SLC39A12: variants seen among roughly 807,000 people sequenced by gnomAD.
The protein encoded by SLC39A12 is solute carrier family 39 member 12.
In SLC39A12, 63 loss-of-function variants were observed where a neutral mutation model predicts 71.1. The ratio of observed to expected loss-of-function variants is 0.89; its 90% CI spans 0.72 to 1.09. The LOEUF is 1.09. Among genes scored for constraint, SLC39A12 ranks in the 50% least tolerant of loss-of-function variants. The pLI, the probability that SLC39A12 is intolerant of heterozygous loss-of-function variation, is 0.00. For missense variants in SLC39A12, 892 were observed against 812.6 expected, an observed-to-expected ratio of 1.10 and a Z score of -1.19; for synonymous variants, 351 against 301.3, an observed-to-expected ratio of 1.16 and a Z score of -1.71.
At chr10:17,991,331 T>C in intron 8 of SLC39A12, 28 bp downstream of exon 8, 1 of 1,530,242 alleles carries the variant, frequency 6.5e-7, no homozygotes, top group Non-Finnish European at 8.8e-7. Context: ...ATTTGTCTTG[T>C]GCTTTAAAGT....
intron 12 of SLC39A12, among the ~76,000 whole-genome samples, chr10:18,010,881 C>T (rs1195250917): frequency 6.6e-6 from 1 of 152,128 alleles, no homozygotes; most frequent in Non-Finnish European, 1.5e-5. Flanking sequence ...CCAACCGTTC[C>T]TCCTCCTCCT....
chr10:18,006,088 A>T (rs1440314890), intron 12 of SLC39A12, among the ~76,000 whole-genome samples: 3 of 152,230 alleles, frequency 2.0e-5, no homozygotes, highest in African/African-American at 7.2e-5. Context: ...ACTAAGGGGT[A>T]AAGGGGAACA....
At chr10:18,033,888 C>T (rs1198795851) in intron 12 of SLC39A12, among the ~76,000 whole-genome samples, 4 of 152,018 alleles carry the variant, frequency 2.6e-5, no homozygotes, top group African/African-American at 7.2e-5. Context: ...ATCTTTAATT[C>T]TGCCTTCATT....
intron 12 of SLC39A12, among the ~76,000 whole-genome samples, chr10:18,030,902 GT>G (rs1296653469): frequency 6.7e-6 from 1 of 148,918 alleles, no homozygotes; most frequent in African/African-American, 2.5e-5. Context: ...GCGGTGTTTG[GT>G]TTTTTGTTCT....
chr10:18,026,619 T>A (rs1411990686), intron 12 of SLC39A12, among the ~76,000 whole-genome samples: 1 of 152,168 alleles, frequency 6.6e-6, no homozygotes, highest in Non-Finnish European at 1.5e-5. Flanking sequence ...ATATTCCTTC[T>A]GGTGTTTTGT....
At chr10:18,019,237 A>T (rs7085309) in intron 12 of SLC39A12, among the ~76,000 whole-genome samples, 14,832 of 151,956 alleles carry the variant, frequency 0.098, 1,126 homozygotes, top group East Asian at 0.21. Flanking sequence ...ATCTGTAGTG[A>T]CATCCTCTCT....
rs542855515 is a variant in SLC39A12, at chr10:18,042,924, T to C, written c.*91T>C. ...TCTATAATGATTTTTAAATTAAGAA[T>C]TTTTTATCTTAGGCAAAGTGTGTCT... is the stretch of plus-strand genomic sequence containing the variant. On this transcript the variant is annotated 3_prime_UTR_variant, in exon 13 of 13. Transcript: ENST00000377369. 7.2e-6 allele frequency: 8 copies of C among 1,110,150 alleles called. No individual in the cohort carries two copies. The South Asian group carries it at 1.6e-4, about 22-fold the overall frequency. The allele number at this position is 1,110,150 out of a possible 1,614,324, so 68.8% of individuals were successfully genotyped here. A position where few individuals can be genotyped will look rare whatever the true frequency, so the allele number is the denominator to read the frequency against.
chr10:17,952,590 C>T (rs1276210206), intron 1 of SLC39A12, among the ~76,000 whole-genome samples: 1 of 150,854 alleles, frequency 6.6e-6, no homozygotes, highest in Non-Finnish European at 1.5e-5. Flanking sequence ...CGGGTTCAAG[C>T]AATTCTTCTG....
chr10:18,016,563 G>C (rs945381321), intron 12 of SLC39A12, among the ~76,000 whole-genome samples: 1 of 152,162 alleles, frequency 6.6e-6, no homozygotes, highest in East Asian at 1.9e-4. Context: ...GAAATGCCAA[G>C]AAATATGATT....
At chr10:18,002,158 A>G (rs1307980336) in intron 11 of SLC39A12, 1 of 152,206 alleles carries the variant, frequency 6.6e-6, no homozygotes, top group East Asian at 1.9e-4. Context: ...ACCCAGAAAT[A>G]GTAGAGGCTG....
At chr10:18,024,079 CAG>C (rs1260469771) in intron 12 of SLC39A12, among the ~76,000 whole-genome samples, 19 of 152,338 alleles carry the variant, frequency 1.2e-4, no homozygotes, top group Admixed American at 1.2e-3. Context: ...CAGAGAAATG[CAG>C]AGTGGCTACT....
At chr10:18,016,298 G>A (rs1396234737) in intron 12 of SLC39A12, among the ~76,000 whole-genome samples, 3 of 152,172 alleles carry the variant, frequency 2.0e-5, no homozygotes, top group Non-Finnish European at 4.4e-5. Flanking sequence ...ATGATACAGT[G>A]TGCTGCCTTT....
chr10:17,989,502 C>G lies in SLC39A12; in HGVS notation c.1270-1649C>G, dbSNP rs193032968. Among the ~76,000 whole-genome samples, 534 of 152,314 alleles carry G rather than the reference C, an allele frequency of 3.5e-3. 3 individuals carry two copies. The highest frequency in any genetic ancestry group is 0.011 in the Admixed American group (174 of 15,300). ...AAGGCTCTCAGGTCAGCCTGAGTCT[C>G]CCCCAGTGAGGGAGCCCACAGCGAA... On this transcript the variant is annotated intron_variant, in intron 7 of 12. Coordinates refer to ENST00000377369, the MANE Select transcript of SLC39A12 (RefSeq NM_001145195.2).
intron 9 of SLC39A12, among the ~76,000 whole-genome samples, chr10:17,995,174 C>T (rs1835653519): frequency 6.6e-6 from 1 of 152,180 alleles, no homozygotes; most frequent in South Asian, 2.1e-4. Context: ...GCAGTTAACA[C>T]AGAATATTAT....
At chr10:18,035,468 G>A (rs1348956574) in intron 12 of SLC39A12, among the ~76,000 whole-genome samples, 2 of 142,562 alleles carry the variant, frequency 1.4e-5, no homozygotes, top group Admixed American at 7.0e-5. Flanking sequence ...CATTCTTCAC[G>A]TAGTTCTCGA....
chr10:17,977,284 C>T (rs373141116), intron 4 of SLC39A12, among the ~76,000 whole-genome samples: 246 of 151,086 alleles, frequency 1.6e-3, no homozygotes, highest in African/African-American at 5.5e-3. Flanking sequence ...TTGCTGAATC[C>T]AACATCTGGA....
At position 17,987,573 on chromosome 10, in the gene SLC39A12, CA is replaced by C. The variant is rs1835432518; in HGVS notation, c.1192del (p.Arg398GlyfsTer51). On this transcript the variant is annotated frameshift_variant, in exon 7 of 13. Transcript: ENST00000377369. LOFTEE classifies it high-confidence loss of function. ...VLFHSCEENYRLILQLFVGLA... is the reference protein window; with the variant it reads ...VLFHSCEENYXLILQLFVGLA... ...TTTTCCATAGCTGTGAGGAGAACTA[CA>C]GGCTTATCTTACAGCTGTTTGTGGG... 2 of 1,614,136 alleles carry C rather than the reference CA, an allele frequency of 1.2e-6. No individual in the cohort carries two copies. The highest frequency in any genetic ancestry group is 1.7e-5 in the Admixed American group (1 of 60,024).
At chr10:18,030,117 G>C (rs1235158141) in intron 12 of SLC39A12, among the ~76,000 whole-genome samples, 1 of 151,730 alleles carries the variant, frequency 6.6e-6, no homozygotes, top group East Asian at 1.9e-4. Flanking sequence ...TCACCGAATT[G>C]ATTTACATGT....
intron 2 of SLC39A12, 111 bp downstream of exon 2, chr10:17,953,648 C>A: frequency 1.6e-6 from 2 of 1,215,936 alleles, no homozygotes; most frequent in African/African-American, 1.5e-5. Flanking sequence ...TTCCAATATG[C>A]AATTGAGCAA....
Sources: allele counts gnomAD v4.1 joint callset (sites outside exome capture counted in the v4.1 genomes callset), GRCh38; gene constraint gnomAD v4.1.1; transcripts MANE v1.5; gene names NCBI Gene and HGNC (gene_info 2026-07-23, HGNC 2026-07-21).